Variants in MYO9B observed in about 807,000 individuals in gnomAD.
MYO9B encodes myosin IXB.
MYO9B carries 71 observed loss-of-function variants against 229.5 expected under a neutral mutation model. The observed-to-expected ratio is 0.31, with a 90% CI of 0.26 to 0.38. The LOEUF is 0.38. Ranked by LOEUF, MYO9B falls within the 10% of genes least tolerant of loss-of-function variation. The pLI is 1.00. For synonymous variants in MYO9B, 1,185 were observed against 1,235.8 expected (o/e 0.96, Z 0.86); for missense variants, 2,255 against 2,920.5 (o/e 0.77, Z 5.25).
chr19:17,210,573 G>A, intron 37 of MYO9B, 142 bp from the exon 38 acceptor site: 1 of 1,275,102 alleles, frequency 7.8e-7, no homozygotes, highest in Non-Finnish European at 1.1e-6. Context: ...CCACCACTCT[G>A]TCCCATGGGA....
At chr19:17,083,800 G>A (rs140845705) in intron 1 of MYO9B, among the ~76,000 whole-genome samples, 3,152 of 151,884 alleles carry the variant, frequency 0.021, 44 homozygotes, top group Non-Finnish European at 0.031. Context: ...ACAGGCACCC[G>A]CTACCACGCC....
At chr19:17,076,111 A>G in intron 1 of MYO9B, among the ~76,000 whole-genome samples, 1 of 143,234 alleles carries the variant, frequency 7.0e-6, no homozygotes, top group African/African-American at 2.7e-5. Flanking sequence ...GGGGGGGGTG[A>G]GTCTTGTGGC....
intron 2 of MYO9B, among the ~76,000 whole-genome samples, chr19:17,109,286 C>T (rs979058635): frequency 8.0e-5 from 12 of 150,350 alleles, no homozygotes; most frequent in African/African-American, 2.5e-4. Context: ...AGAATGGTCT[C>T]GATCTCCTGA....
At chr19:17,156,875 A>G in intron 6 of MYO9B, 34 bp from the exon 7 acceptor site, 1 of 1,600,606 alleles carries the variant, frequency 6.2e-7, no homozygotes, top group South Asian at 1.1e-5. Context: ...GGAACGTAGA[A>G]ACTACCCAAA....
intron 2 of MYO9B, among the ~76,000 whole-genome samples, chr19:17,104,886 C>G (rs993321460): frequency 6.6e-6 from 1 of 152,120 alleles, no homozygotes; most frequent in Non-Finnish European, 1.5e-5. Context: ...TTGGTTGCAC[C>G]TGACTCAACT....
intron 1 of MYO9B, among the ~76,000 whole-genome samples, chr19:17,085,049 T>C (rs1451542715): frequency 6.6e-6 from 1 of 152,150 alleles, no homozygotes; most frequent in African/African-American, 2.4e-5. Context: ...GTCAAGCCCG[T>C]GACTGGCCTG....
chr19:17,200,941 A>G, intron 26 of MYO9B, 112 bp downstream of exon 26: 2 of 1,265,154 alleles, frequency 1.6e-6, no homozygotes, highest in Non-Finnish European at 1.1e-6. Flanking sequence ...GGTCAAGAAT[A>G]CAAAGTCCAG....
At chr19:17,138,665 C>G (rs1002774981) in intron 2 of MYO9B, among the ~76,000 whole-genome samples, 2 of 152,156 alleles carry the variant, frequency 1.3e-5, no homozygotes, top group African/African-American at 4.8e-5. Context: ...TTAATCTGTT[C>G]GGGCTACTGT....
chr19:17,154,426 G>A lies in MYO9B; in HGVS notation c.1199+11G>A, dbSNP rs746944359. The A allele has an allele frequency of 1.1e-5, 18 of 1,603,332 alleles. No individual in the cohort carries two copies. Among genetic ancestry groups the A allele is most frequent in the South Asian group, 6.6e-5 (6 of 90,692 alleles). ...CGCCACCAAGAAGCAGTAAGTGTGCGGGCTCCCGGGGCCTGTCCCCCAGAG... is the reference window on the plus strand; with the variant it reads ...CGCCACCAAGAAGCAGTAAGTGTGCAGGCTCCCGGGGCCTGTCCCCCAGAG... On this transcript the variant is annotated intron_variant, in intron 6 of 39. Coordinates refer to ENST00000682292, the MANE Select transcript of MYO9B (RefSeq NM_004145.4).
intron 2 of MYO9B, among the ~76,000 whole-genome samples, chr19:17,138,671 A>G (rs558580674): frequency 2.0e-5 from 3 of 152,338 alleles, no homozygotes; most frequent in Admixed American, 1.3e-4. Context: ...TGTTCGGGCT[A>G]CTGTCACAGA....
chr19:17,120,638 CAAAAAAAAAAAAAA>C (rs59262657), intron 2 of MYO9B, among the ~76,000 whole-genome samples: 4 of 87,014 alleles, frequency 4.6e-5, no homozygotes, highest in Non-Finnish European at 8.9e-5. Flanking sequence ...GACTCTGTCT[CAAAAAAAAAAAAAA>C]AAAAAAAAAA....
intron 18 of MYO9B, among the ~76,000 whole-genome samples, chr19:17,186,265 A>G (rs1280406089): frequency 2.0e-5 from 3 of 152,178 alleles, no homozygotes; most frequent in African/African-American, 4.8e-5. Context: ...ATACATCCCA[A>G]AGAGTAGCCG....
At chr19:17,103,440 T>G (rs1290309459) in intron 2 of MYO9B, 1 of 152,246 alleles carries the variant, frequency 6.6e-6, no homozygotes, top group Non-Finnish European at 1.5e-5. Flanking sequence ...TTTATTGTGA[T>G]TTTCATGCAT....
At position 17,172,563 on chromosome 19, in the gene MYO9B, G is replaced by A; in HGVS notation, c.1935+86G>A. On this transcript the variant is annotated intron_variant, in intron 12 of 39. Transcript: ENST00000682292. This position sits in a 1 kb window ranked among gnomAD's most constrained non-coding sequence, Gnocchi z 8.2. ...CCCATGTGGGAGGATCCTCCTGTGG[G>A]CGAGGTTCCAGGGTGCTCAGAACCC... 2 of 1,557,258 alleles carry A rather than the reference G, an allele frequency of 1.3e-6. No homozygotes were observed. The highest frequency in any genetic ancestry group is 1.7e-6 in the Non-Finnish European group (2 of 1,150,076).
chr19:17,178,091 C>T (rs1049253620), intron 14 of MYO9B, among the ~76,000 whole-genome samples: 4 of 152,214 alleles, frequency 2.6e-5, no homozygotes, highest in African/African-American at 7.2e-5. Flanking sequence ...TCATGGGCCT[C>T]ATTCCAAGCC....
intron 2 of MYO9B, among the ~76,000 whole-genome samples, chr19:17,108,837 C>A (rs1468587097): frequency 6.6e-6 from 1 of 151,582 alleles, no homozygotes; most frequent in Admixed American, 6.6e-5. Context: ...CTCAGCCCTC[C>A]CGAGTAGCTG....
At chr19:17,154,822 C>T (rs2072519991) in intron 6 of MYO9B, among the ~76,000 whole-genome samples, 1 of 152,008 alleles carries the variant, frequency 6.6e-6, no homozygotes, top group South Asian at 2.1e-4. Context: ...ATTAGCCAGG[C>T]GTGGTAGTAT....
rs2073021960 is a variant in MYO9B at position 17,194,703 on chromosome 19, G to T, written c.3276G>T (p.Glu1092Asp). 3 of 1,612,924 alleles carry T rather than the reference G, an allele frequency of 1.9e-6. No homozygotes were observed. The highest frequency in any genetic ancestry group is 2.7e-5 in the African/African-American group (2 of 75,054). The change falls in exon 22 of 40, where the codon GAG (glutamate) becomes GAT (aspartate). Residue 1092 changes from glutamate to aspartate, a missense_variant. Coordinates refer to ENST00000682292, the MANE Select transcript of MYO9B (RefSeq NM_004145.4). ...QVAEQGPEPA[E>D]DGGHLASEPE... is the part of the protein sequence containing the mutation. ...CTGAGCAGGGGCCGGAGCCAGCGGA[G>T]GATGGCGGGCACCTGGCATCGGAGC...
intron 1 of MYO9B, among the ~76,000 whole-genome samples, chr19:17,079,251 G>T (rs2057513224): frequency 1.3e-5 from 2 of 152,210 alleles, no homozygotes; most frequent in Admixed American, 1.3e-4. Context: ...CACTAAGAGT[G>T]GGAACAGGGG....
Sources: allele counts gnomAD v4.1 joint callset (sites outside exome capture counted in the v4.1 genomes callset), GRCh38; gene constraint gnomAD v4.1.1; non-coding constraint Gnocchi (gnomAD v3.1); transcripts MANE v1.5; gene names NCBI Gene and HGNC (gene_info 2026-07-23, HGNC 2026-07-21).